CBFA2T3: variants seen among roughly 807,000 people sequenced by gnomAD.
CBFA2T3 encodes the protein transcriptional corepressor CBFA2T3.
CBFA2T3 carries 31 observed loss-of-function variants against 58.6 expected under a neutral mutation model. The observed-to-expected ratio is 0.53, with a 90% CI of 0.40 to 0.71. The LOEUF (loss-of-function observed/expected upper bound fraction) is 0.71, where lower values mean the gene tolerates loss of function less well. CBFA2T3 is among the 30% of genes least tolerant of loss of function. CBFA2T3 has a pLI of 0.00. For missense variants in CBFA2T3, 1,076 were observed against 963.1 expected (o/e 1.12, Z -1.55); for synonymous variants, 531 against 421.9 (o/e 1.26, Z -3.17).
intron 1 of CBFA2T3, among the ~76,000 whole-genome samples, chr16:88,969,555 C>T (rs952929680): frequency 3.9e-5 from 6 of 152,236 alleles, no homozygotes; most frequent in African/African-American, 1.4e-4. Context: ...CTGGGGTCAG[C>T]GTGGCCGGTG....
rs1969288870 is a variant in CBFA2T3, at chr16:88,884,772, T to C, written c.1117+274A>G. 1.0e-5 allele frequency: 4 copies of C among 387,604 alleles called. No individual in the cohort carries two copies. In the South Asian group the frequency reaches 2.1e-4, roughly 21 times the overall value. The allele number at this position is 387,604 out of a possible 1,614,324, so 24.0% of individuals were successfully genotyped here. ...ACGTGACTCACCTGTGGGTGGACTG[T>C]GGGAATCGCCAAGCTCGGATGAGAA... is the stretch of plus-strand genomic sequence containing the variant. On this transcript the variant is annotated intron_variant, in intron 7 of 11. Transcript: ENST00000268679.
chr16:88,882,509 G>C (rs1464234231), intron 8 of CBFA2T3, among the ~76,000 whole-genome samples, 167 bp downstream of exon 8: 1 of 150,380 alleles, frequency 6.6e-6, no homozygotes, highest in Non-Finnish European at 1.5e-5. Context: ...GGCTGTGGCT[G>C]TGTGGGCGTG....
At position 88,886,128 on chromosome 16, in the gene CBFA2T3, C is replaced by T; in HGVS notation, c.726G>A (p.Leu242=). The T allele has an allele frequency of 6.5e-7, 1 of 1,546,830 alleles. No homozygotes were observed. The highest frequency in any genetic ancestry group is 8.7e-7 in the Non-Finnish European group (1 of 1,152,244). ...CACAGTGCAGGAGCTCCCGCTGCAG[C>T]AAGGGCAGGTTTGCCTGTGGGGTGG... ...VIPFLKANLP[L]LQRELLHCAR... Residue 242 remains leucine (L), a synonymous_variant, in exon 6 of 12, where the codon TTG becomes TTA. Transcript: ENST00000268679.
intron 5 of CBFA2T3, among the ~76,000 whole-genome samples, chr16:88,888,387 C>T (rs374436151): frequency 6.0e-5 from 8 of 132,678 alleles, no homozygotes; most frequent in South Asian, 2.7e-4. Context: ...CACTCCCACT[C>T]GGCACCTCCT....
At chr16:88,922,980 G>A (rs919945712) in intron 1 of CBFA2T3, among the ~76,000 whole-genome samples, 3 of 151,526 alleles carry the variant, frequency 2.0e-5, no homozygotes, top group East Asian at 1.9e-4. Flanking sequence ...CACAGCGGAC[G>A]GACAGAGCTG....
chr16:88,944,975 C>T (rs980109869), intron 1 of CBFA2T3, among the ~76,000 whole-genome samples: 13 of 152,222 alleles, frequency 8.5e-5, no homozygotes, highest in African/African-American at 1.7e-4. Context: ...CGTGGTCCAG[C>T]GGGAGGCCAG....
intron 1 of CBFA2T3, among the ~76,000 whole-genome samples, chr16:88,911,616 A>G (rs1970534321): frequency 6.6e-6 from 1 of 152,228 alleles, no homozygotes; most frequent in African/African-American, 2.4e-5. Flanking sequence ...TAAAATGGGA[A>G]TGGGGATGGA....
At position 88,976,397 on chromosome 16, in the gene CBFA2T3, C is replaced by T. The variant is rs1597808146; in HGVS notation, c.151+260G>A. ...CCCTCCTAGACGGGGCTGAGCAGCC[C>T]GGCCTCCAGCATCTGCCTCTGGGTG... is the stretch of plus-strand genomic sequence containing the variant. On this transcript the variant is annotated intron_variant, in intron 1 of 11. Coordinates refer to ENST00000268679, the MANE Select transcript of CBFA2T3 (RefSeq NM_005187.6). Among the ~76,000 whole-genome samples, 7 of 152,158 alleles carry T rather than the reference C, an allele frequency of 4.6e-5. No individual in the cohort carries two copies. The South Asian group carries it at 1.5e-3, about 32-fold the overall frequency.
intron 1 of CBFA2T3, among the ~76,000 whole-genome samples, chr16:88,920,185 T>C (rs1369076053): frequency 6.6e-6 from 1 of 152,234 alleles, no homozygotes; most frequent in Non-Finnish European, 1.5e-5. Flanking sequence ...AACGGTGGAA[T>C]GTTCTAGGCC....
chr16:88,967,752 G>A lies in CBFA2T3; in HGVS notation c.151+8905C>T, dbSNP rs1050056068. On this transcript the variant is annotated intron_variant, in intron 1 of 11. Coordinates refer to ENST00000268679, the MANE Select transcript of CBFA2T3 (RefSeq NM_005187.6). ...CAGAGCACAGGGGTGAGGGTCAGGC[G>A]CACACTGCCTGGGGGCTCGTCGCGG... is the stretch of plus-strand genomic sequence containing the variant. Among the ~76,000 whole-genome samples the A allele has an allele frequency of 5.3e-5, 8 of 152,058 alleles. No individual in the cohort carries two copies. In the East Asian group the frequency reaches 9.7e-4, roughly 19 times the overall value.
intron 1 of CBFA2T3, among the ~76,000 whole-genome samples, chr16:88,903,334 C>G (rs1057366087): frequency 3.3e-5 from 5 of 152,224 alleles, no homozygotes; most frequent in African/African-American, 1.2e-4. Flanking sequence ...TGGGCTCTAA[C>G]CGGCCCCTGG....
intron 1 of CBFA2T3, among the ~76,000 whole-genome samples, chr16:88,902,911 C>T (rs991558614): frequency 4.6e-5 from 7 of 152,090 alleles, no homozygotes; most frequent in South Asian, 2.1e-4. Flanking sequence ...GTCTCACCCA[C>T]GACTGCCCCG....
At chr16:88,905,692 C>T (rs1970289938) in intron 1 of CBFA2T3, among the ~76,000 whole-genome samples, 2 of 115,232 alleles carry the variant, frequency 1.7e-5, no homozygotes, top group Middle Eastern at 4.8e-3. Flanking sequence ...AGGGGCGGGG[C>T]TGAAGGAGGG....
In CBFA2T3 at chr16:88,901,566, G is replaced by A. The variant is rs1235044722; in HGVS notation, c.242C>T (p.Pro81Leu). The A allele has an allele frequency of 7.4e-6, 11 of 1,482,518 alleles. No homozygotes were observed. The highest frequency in any genetic ancestry group is 2.8e-5 in the Admixed American group (1 of 36,146). The allele number at this position is 1,482,518 out of a possible 1,614,324, so 91.8% of individuals were successfully genotyped here. A position where few individuals can be genotyped will look rare whatever the true frequency, so the allele number is the denominator to read the frequency against. ...CTGGGATGCGGCAGGCGGTGGGGGC[G>A]GCATGCTGGGGGGTGTGGACCGGGG... Reference protein sequence around the residue: ...TQPRSTPPSMPPPPPAASQGA... With the variant: ...TQPRSTPPSMLPPPPAASQGA... The change falls in exon 2 of 12, where the codon CCG (proline) becomes CTG (leucine). Residue 81 changes from proline to leucine, a missense_variant. Transcript: ENST00000268679.
At chr16:88,966,932 A>G (rs1221695997) in intron 1 of CBFA2T3, among the ~76,000 whole-genome samples, 1 of 152,212 alleles carries the variant, frequency 6.6e-6, no homozygotes, top group African/African-American at 2.4e-5. Flanking sequence ...AGAACTTCGT[A>G]TCACACTCTA....
chr16:88,889,366 C>T (rs1392240984), intron 5 of CBFA2T3, among the ~76,000 whole-genome samples: 2 of 46,218 alleles, frequency 4.3e-5, no homozygotes, highest in East Asian at 8.6e-4. Flanking sequence ...ACTGGGGCAG[C>T]GGAGGGAGGG....
At chr16:88,895,382 A>G (rs1383562279) in intron 3 of CBFA2T3, among the ~76,000 whole-genome samples, 1 of 152,140 alleles carries the variant, frequency 6.6e-6, no homozygotes. Context: ...CGCCCGGGTC[A>G]GGAAGCTGTG....
rs1597680991 is a variant in CBFA2T3 at position 88,892,542 on chromosome 16, ACGG to A, written c.380-60_380-58del. 17 of 1,597,260 alleles carry A rather than the reference ACGG, an allele frequency of 1.1e-5. No individual in the cohort carries two copies. In the East Asian group the frequency reaches 2.2e-4, roughly 21 times the overall value. On this transcript the variant is annotated intron_variant, in intron 3 of 11. Transcript: ENST00000268679. ...AGGTGATGGTGACAACACAACCCAG[ACGG>A]CGGCGACAGTGAGGGAAGCAGCGAC...
chr16:88,959,405 G>A (rs1449729200), intron 1 of CBFA2T3, among the ~76,000 whole-genome samples: 1 of 152,216 alleles, frequency 6.6e-6, no homozygotes, highest in Non-Finnish European at 1.5e-5. Flanking sequence ...GCACGCCCAG[G>A]GCTGGAGGCA....
Sources: allele counts gnomAD v4.1 joint callset (sites outside exome capture counted in the v4.1 genomes callset), GRCh38; gene constraint gnomAD v4.1.1; transcripts MANE v1.5; gene names NCBI Gene and HGNC (gene_info 2026-07-23, HGNC 2026-07-21).